Variants in HS6ST3 observed in about 807,000 individuals in gnomAD.
The protein encoded by HS6ST3 is heparan sulfate 6-O-sulfotransferase 3, also known as heparan-sulfate 6-O-sulfotransferase 3.
In HS6ST3, 12 loss-of-function variants were observed where a neutral mutation model predicts 36.7. The observed-to-expected ratio is 0.33, with a 90% CI of 0.21 to 0.53. The LOEUF is 0.53. Ranked by LOEUF, HS6ST3 falls within the 20% of genes least tolerant of loss-of-function variation. The probability of loss-of-function intolerance (pLI) is 0.95; values close to 1 mark genes in which losing one functional copy is unlikely to be tolerated. For synonymous variants in HS6ST3, 240 were observed against 257.5 expected (o/e 0.93, Z 0.65); for missense variants, 584 against 640.9 (o/e 0.91, Z 0.96).
chr13:96,774,693 A>G (rs1031690868), intron 1 of HS6ST3, among the ~76,000 whole-genome samples: 3 of 152,186 alleles, frequency 2.0e-5, no homozygotes, highest in African/African-American at 7.2e-5. Context: ...GAAAAGATCA[A>G]ACCTACGTTT....
intron 1 of HS6ST3, among the ~76,000 whole-genome samples, chr13:96,224,813 T>G (rs1007112320): frequency 5.9e-5 from 9 of 152,218 alleles, no homozygotes; most frequent in South Asian, 2.1e-4. Context: ...TCTACAGGAT[T>G]CTTCTGGTAA....
intron 1 of HS6ST3, among the ~76,000 whole-genome samples, chr13:96,779,782 A>C (rs975568582): frequency 7.2e-5 from 11 of 151,752 alleles, no homozygotes; most frequent in African/African-American, 2.4e-4. Context: ...AAAAAAAAAA[A>C]AAAACATTGT....
At chr13:96,477,134 C>G (rs1478901671) in intron 1 of HS6ST3, among the ~76,000 whole-genome samples, 1 of 152,168 alleles carries the variant, frequency 6.6e-6, no homozygotes, top group Non-Finnish European at 1.5e-5. Flanking sequence ...TCCCTCTCCC[C>G]ATCACCGAAA....
intron 1 of HS6ST3, among the ~76,000 whole-genome samples, chr13:96,252,709 G>A (rs889285364): frequency 7.2e-5 from 11 of 152,078 alleles, no homozygotes; most frequent in African/African-American, 2.7e-4. Flanking sequence ...ATTGGAGGTG[G>A]GGCCTGTTGG....
At chr13:96,713,664 T>G (rs1875622645) in intron 1 of HS6ST3, among the ~76,000 whole-genome samples, 1 of 152,184 alleles carries the variant, frequency 6.6e-6, no homozygotes, top group Admixed American at 6.5e-5. Flanking sequence ...GAGTAGGGCT[T>G]TGGTAGAAGC....
chr13:96,273,649 A>C (rs1361419350), intron 1 of HS6ST3, among the ~76,000 whole-genome samples: 1 of 150,412 alleles, frequency 6.6e-6, no homozygotes, highest in Non-Finnish European at 1.5e-5. Flanking sequence ...CCAGAACTGA[A>C]GGTGACATTC....
At chr13:96,547,187 T>C (rs1388094226) in intron 1 of HS6ST3, among the ~76,000 whole-genome samples, 1 of 152,172 alleles carries the variant, frequency 6.6e-6, no homozygotes, top group African/African-American at 2.4e-5. Context: ...ACAATAAATA[T>C]TACCTAAAGA....
At chr13:96,358,217 A>C (rs1303039439) in intron 1 of HS6ST3, among the ~76,000 whole-genome samples, 1 of 152,252 alleles carries the variant, frequency 6.6e-6, no homozygotes, top group South Asian at 2.1e-4. Flanking sequence ...ATTGTAATCC[A>C]TTTTAATAAT....
At chr13:96,295,199 G>T (rs2054849042) in intron 1 of HS6ST3, among the ~76,000 whole-genome samples, 1 of 152,042 alleles carries the variant, frequency 6.6e-6, no homozygotes, top group African/African-American at 2.4e-5. Context: ...GAATGAAAAT[G>T]ATTCCATTGA....
At chr13:96,676,101 C>T (rs1347583379) in intron 1 of HS6ST3, among the ~76,000 whole-genome samples, 1 of 152,164 alleles carries the variant, frequency 6.6e-6, no homozygotes. Context: ...TTTGCTAGGG[C>T]TGTCATAACA....
At chr13:96,369,181 C>T (rs1231931946) in intron 1 of HS6ST3, among the ~76,000 whole-genome samples, 4 of 151,978 alleles carry the variant, frequency 2.6e-5, no homozygotes, top group African/African-American at 9.7e-5. Flanking sequence ...TCCTCTAGAA[C>T]AAGAACCAAA....
At chr13:96,111,179 T>C (rs377304672) in intron 1 of HS6ST3, among the ~76,000 whole-genome samples, 1 of 152,324 alleles carries the variant, frequency 6.6e-6, no homozygotes, top group East Asian at 1.9e-4. Flanking sequence ...ATTTACAATG[T>C]GTCCTAAAGG....
chr13:96,522,108 A>G (rs771557250), intron 1 of HS6ST3, among the ~76,000 whole-genome samples: 11 of 151,866 alleles, frequency 7.2e-5, no homozygotes, highest in Non-Finnish European at 1.2e-4. Flanking sequence ...TTTGTTATTT[A>G]CTCAGAGTCA....
intron 1 of HS6ST3, among the ~76,000 whole-genome samples, chr13:96,449,056 G>A (rs919061084): frequency 1.3e-5 from 2 of 152,014 alleles, no homozygotes; most frequent in African/African-American, 2.4e-5. Context: ...CGACTTCCTG[G>A]GTTCAAGGAA....
intron 1 of HS6ST3, among the ~76,000 whole-genome samples, chr13:96,296,551 T>C (rs1259212670): frequency 1.3e-5 from 2 of 152,156 alleles, no homozygotes; most frequent in African/African-American, 2.4e-5. Context: ...AAATTCCTAG[T>C]GTTTAGAAAA....
At chr13:96,643,266 T>C (rs2056576931) in intron 1 of HS6ST3, among the ~76,000 whole-genome samples, 1 of 151,932 alleles carries the variant, frequency 6.6e-6, no homozygotes, top group Non-Finnish European at 1.5e-5. Context: ...CTTTTAATAC[T>C]CAGCTAGGCT....
chr13:96,520,630 C>T (rs371252771), intron 1 of HS6ST3, among the ~76,000 whole-genome samples: 6 of 148,330 alleles, frequency 4.0e-5, no homozygotes, highest in African/African-American at 1.5e-4. Context: ...GTGAATGTAG[C>T]AATTTGGCTC....
At chr13:96,400,500 G>C (rs2055445796) in intron 1 of HS6ST3, among the ~76,000 whole-genome samples, 1 of 152,126 alleles carries the variant, frequency 6.6e-6, no homozygotes, top group Non-Finnish European at 1.5e-5. Context: ...GTGTGGATAA[G>C]GAAGTGGTAA....
At chr13:96,821,923 T>C (rs1354566675) in intron 1 of HS6ST3, among the ~76,000 whole-genome samples, 1 of 152,252 alleles carries the variant, frequency 6.6e-6, no homozygotes, top group Non-Finnish European at 1.5e-5. Context: ...ATATAGATTC[T>C]AAATATTGGC....
Sources: allele counts gnomAD v4.1 joint callset (sites outside exome capture counted in the v4.1 genomes callset), GRCh38; gene constraint gnomAD v4.1.1; transcripts MANE v1.5; gene names NCBI Gene and HGNC (gene_info 2026-07-23, HGNC 2026-07-21).